Variants in ZBTB10 observed in about 807,000 individuals in gnomAD.
The protein encoded by ZBTB10 is zinc finger and BTB domain containing 10.
ZBTB10 carries 32 observed loss-of-function variants against 76.4 expected under a neutral mutation model. The observed-to-expected ratio is 0.42, with a 90% CI of 0.32 to 0.56. ZBTB10 has a LOEUF of 0.56. ZBTB10 is among the 20% of genes least tolerant of loss of function. The probability of loss-of-function intolerance (pLI) is 0.14; values close to 1 mark genes in which losing one functional copy is unlikely to be tolerated. For missense variants in ZBTB10, 1,057 were observed against 1,098.5 expected, an observed-to-expected ratio of 0.96 and a Z score of 0.53; for synonymous variants, 523 against 432.9, an observed-to-expected ratio of 1.21 and a Z score of -2.58.
intron 1 of ZBTB10, among the ~76,000 whole-genome samples, chr8:80,491,866 T>C (rs1269539706): frequency 6.6e-6 from 1 of 152,198 alleles, no homozygotes; most frequent in Non-Finnish European, 1.5e-5. Context: ...GAAACATGCA[T>C]CCAAATGTAT....
chr8:80,487,553 G>C lies in ZBTB10; in HGVS notation c.743G>C (p.Cys248Ser). The C allele has an allele frequency of 6.2e-7, 1 of 1,604,424 alleles. No individual in the cohort carries two copies. Among genetic ancestry groups the C allele is most frequent in the Non-Finnish European group, 8.5e-7 (1 of 1,175,302 alleles). Residue 248 changes from cysteine (C) to serine (S), a missense_variant, in exon 1 of 6, where the codon TGC (cysteine) becomes TCC (serine). Transcript: ENST00000455036. ...AAGTCTCTAATGCAGAAGCTCCAATGCTCCTTCCAGACCTCCTGGCTCAAG... is the reference window on the plus strand; with the variant it reads ...AAGTCTCTAATGCAGAAGCTCCAATCCTCCTTCCAGACCTCCTGGCTCAAG... ...RPKSLMQKLQCSFQTSWLKDF... is the reference protein window; with the variant it reads ...RPKSLMQKLQSSFQTSWLKDF...
Position 80,526,254 on chromosome 8 carries a change from A to G in ZBTB10, c.*6726A>G, listed in dbSNP as rs1816559867. On this transcript the variant is annotated 3_prime_UTR_variant, in exon 6 of 6. Transcript: ENST00000455036. Reference sequence around the variant, plus strand: ...AGTGCAATAATACATCAATAAAGGTATTTTAAAATGACCTAATGTTTTAGT... The same window carrying G: ...AGTGCAATAATACATCAATAAAGGTGTTTTAAAATGACCTAATGTTTTAGT... 6.6e-6 allele frequency: 1 copy of G among 152,200 alleles called. No individual in the cohort carries two copies. The highest frequency in any genetic ancestry group is 1.5e-5 in the Non-Finnish European group (1 of 68,024). The allele number at this position is 152,200 out of a possible 1,614,324, so 9.4% of individuals were successfully genotyped here. A position where few individuals can be genotyped will look rare whatever the true frequency, so the allele number is the denominator to read the frequency against.
In ZBTB10 at chr8:80,523,844, CTG is replaced by C. The variant is rs541045057; in HGVS notation, c.*4318_*4319del. The C allele has an allele frequency of 4.6e-5, 7 of 152,068 alleles. No individual in the cohort carries two copies. The South Asian group carries it at 1.2e-3, about 27-fold the overall frequency. 9.4% of individuals were successfully genotyped at this position (152,068 alleles called of 1,614,324 possible). A position where few individuals can be genotyped will look rare whatever the true frequency, so the allele number is the denominator to read the frequency against. On this transcript the variant is annotated 3_prime_UTR_variant, in exon 6 of 6. Coordinates refer to ENST00000455036, the MANE Select transcript of ZBTB10 (RefSeq NM_001105539.3). Reference sequence around the variant, plus strand: ...AGTGGGAGCATTGGCATTTTGAACACTGTAAACAAAAGAACACTTCCGCCTGC... The same window carrying C: ...AGTGGGAGCATTGGCATTTTGAACACTAAACAAAAGAACACTTCCGCCTGC...
chr8:80,491,962 A>G (rs987299802), intron 1 of ZBTB10, among the ~76,000 whole-genome samples: 18 of 152,226 alleles, frequency 1.2e-4, no homozygotes, highest in African/African-American at 4.1e-4. Flanking sequence ...GTTGGAATAT[A>G]TTGATGTCAG....
At position 80,486,570 on chromosome 8, in the gene ZBTB10, G is replaced by A. The variant is rs549498204; in HGVS notation, c.-241G>A. On this transcript the variant is annotated 5_prime_UTR_variant, in exon 1 of 6. Coordinates refer to ENST00000455036, the MANE Select transcript of ZBTB10 (RefSeq NM_001105539.3). ...GCCCGGAGCGCGGCGGGGCGGGGGT[G>A]GAGGACGAGAGAGCGGTCGGAGGCG... The A allele has an allele frequency of 9.4e-5, 93 of 986,314 alleles. 2 individuals carry two copies. In the South Asian group the frequency reaches 3.8e-3, roughly 40 times the overall value. 61.1% of individuals were successfully genotyped at this position (986,314 alleles called of 1,614,324 possible). A position where few individuals can be genotyped will look rare whatever the true frequency, so the allele number is the denominator to read the frequency against.
chr8:80,518,652 G>A, intron 4 of ZBTB10, 73 bp downstream of exon 4: 1 of 1,483,888 alleles, frequency 6.7e-7, no homozygotes, highest in Admixed American at 2.5e-5. Flanking sequence ...TTCATGTTCT[G>A]CATTTTTTAA....
intron 1 of ZBTB10, among the ~76,000 whole-genome samples, chr8:80,497,135 A>C (rs1815803093): frequency 6.6e-6 from 1 of 152,184 alleles, no homozygotes. Context: ...AGGTGTTTTT[A>C]GTATCATTCT....
chr8:80,507,762 A>C (rs1816096845), intron 2 of ZBTB10, among the ~76,000 whole-genome samples: 2 of 151,768 alleles, frequency 1.3e-5, no homozygotes, highest in Non-Finnish European at 2.9e-5. Flanking sequence ...CTCTTGGCTA[A>C]TTTTTTTTAG....
intron 3 of ZBTB10, 70 bp from the exon 4 acceptor site, chr8:80,518,333 C>T (rs1209740898): frequency 7.3e-7 from 1 of 1,377,476 alleles, no homozygotes; most frequent in East Asian, 2.5e-5. Flanking sequence ...AATATAATTT[C>T]TGTTTTCTGA....
intron 3 of ZBTB10, among the ~76,000 whole-genome samples, chr8:80,518,124 C>T (rs769675760): frequency 3.9e-5 from 6 of 151,936 alleles, no homozygotes; most frequent in African/African-American, 7.2e-5. Flanking sequence ...GCCTCAGCCT[C>T]GCAAAGTGCT....
chr8:80,506,088 T>C (rs1473696631), intron 2 of ZBTB10, among the ~76,000 whole-genome samples: 1 of 151,954 alleles, frequency 6.6e-6, no homozygotes, highest in Non-Finnish European at 1.5e-5. Context: ...GACATGGCTT[T>C]GGTGAAGGAG....
chr8:80,497,468 A>G (rs1156889527), intron 1 of ZBTB10, among the ~76,000 whole-genome samples: 5 of 107,272 alleles, frequency 4.7e-5, no homozygotes, highest in Non-Finnish European at 8.8e-5. Flanking sequence ...ACATTATTAT[A>G]TGGTGGGGGG....
At position 80,493,815 on chromosome 8, in the gene ZBTB10, A is replaced by G. The variant is rs191531827; in HGVS notation, c.973-5679A>G. On this transcript the variant is annotated intron_variant, in intron 1 of 5. Coordinates refer to ENST00000455036, the MANE Select transcript of ZBTB10 (RefSeq NM_001105539.3). ...CTTGTGCTTGGACAACAAGAGCGAA[A>G]CTTCGTCTCAAAAATAAAAAATAAA... Among the ~76,000 whole-genome samples the G allele has an allele frequency of 1.1e-3, 171 of 152,278 alleles. 1 individual carries two copies. Among genetic ancestry groups the G allele is most frequent in the African/African-American group, 4.1e-3 (169 of 41,532 alleles).
upstream of ZBTB10, chr8:80,485,937 T>C (rs2131463158): frequency 6.6e-7 from 1 of 1,508,530 alleles, no homozygotes; most frequent in Non-Finnish European, 8.9e-7. Flanking sequence ...CAGCTGTTTG[T>C]CCTCCGCGTA....
Position 80,487,455 on chromosome 8 carries a change from G to A in ZBTB10, c.645G>A (p.Gly215=). 6.5e-7 allele frequency: 1 copy of A among 1,547,232 alleles called. No individual in the cohort carries two copies. The highest frequency in any genetic ancestry group is 8.7e-7 in the Non-Finnish European group (1 of 1,143,566). ...SSSRRSGGDG[G]DEVEGSGVGA... The stretch of plus-strand genomic sequence containing the variant: ...GCAGGCGGTCGGGCGGCGATGGCGG[G>A]GACGAAGTGGAGGGCAGCGGTGTGG... The change falls in exon 1 of 6, where the codon GGG becomes GGA. Residue 215 remains glycine (G), a synonymous_variant. Transcript: ENST00000455036.
Position 80,486,429 on chromosome 8 carries a change from A to G in ZBTB10, c.-382A>G. 2 of 984,338 alleles carry G rather than the reference A, an allele frequency of 2.0e-6. No homozygotes were observed. Among genetic ancestry groups the G allele is most frequent in the Non-Finnish European group, 2.4e-6 (2 of 829,770 alleles). 61.0% of individuals were successfully genotyped at this position (984,338 alleles called of 1,614,324 possible). A position where few individuals can be genotyped will look rare whatever the true frequency, so the allele number is the denominator to read the frequency against. ...ATCGGTGTGTGCGCGCGCGGCTTTA[A>G]AGAGGGGGCAGCGGAGGGTCTCCCC... On this transcript the variant is annotated 5_prime_UTR_variant, in exon 1 of 6. Coordinates refer to ENST00000455036, the MANE Select transcript of ZBTB10 (RefSeq NM_001105539.3).
At position 80,486,855 on chromosome 8, in the gene ZBTB10, A is replaced by C; in HGVS notation, c.45A>C (p.Gly15=). 1 of 1,506,986 alleles carries C rather than the reference A, an allele frequency of 6.6e-7. No homozygotes were observed. Among genetic ancestry groups the C allele is most frequent in the South Asian group, 1.2e-5 (1 of 80,278 alleles). The allele number at this position is 1,506,986 out of a possible 1,614,324, so 93.4% of individuals were successfully genotyped here. Residue 15 remains glycine (G), a synonymous_variant, in exon 1 of 6, where the codon GGA becomes GGC. Transcript: ENST00000455036. ...EMNRRTLAFR[G]GGLVTASGGG... ...ACCGCAGGACGCTGGCGTTCCGAGG[A>C]GGCGGGTTGGTCACCGCTAGCGGCG...
Position 80,499,660 on chromosome 8 carries a change from A to T in ZBTB10, c.1139A>T (p.Asn380Ile). Residue 380 changes from asparagine to isoleucine, a missense_variant, in exon 2 of 6, where the codon AAC (asparagine) becomes ATC (isoleucine). By Grantham distance (149) the Asn-to-Ile change is moderately radical (BLOSUM62 -3). Transcript: ENST00000455036. Reference sequence around the variant, plus strand: ...GGAAAAATCTTCAAAGCTCATAAGAACATCCTGGTTGCAGGCAGCCGTTTC... The same window carrying T: ...GGAAAAATCTTCAAAGCTCATAAGATCATCCTGGTTGCAGGCAGCCGTTTC... ...VSGKIFKAHK[N>I]ILVAGSRFFK... 1 of 1,614,012 alleles carries T rather than the reference A, an allele frequency of 6.2e-7. No homozygotes were observed. Among genetic ancestry groups the T allele is most frequent in the Non-Finnish European group, 8.5e-7 (1 of 1,179,882 alleles).
chr8:80,513,481 A>G (rs1347953424), intron 2 of ZBTB10, among the ~76,000 whole-genome samples: 1 of 152,068 alleles, frequency 6.6e-6, no homozygotes, highest in Non-Finnish European at 1.5e-5. Flanking sequence ...TTCTGAACCA[A>G]TGTGGATGCA....
Sources: gnomAD v4.1 joint callset for allele counts (sites outside exome capture counted in the v4.1 genomes callset) on GRCh38, gnomAD v4.1.1 for gene constraint, MANE v1.5 for transcripts, NCBI Gene and HGNC (gene_info 2026-07-23, HGNC 2026-07-21) for gene names.